The following SPIDR variants were observed in gnomAD, a reference collection of about 807,000 sequenced individuals.
SPIDR encodes DNA repair-scaffolding protein.
A neutral mutation model predicts 104.6 loss-of-function variants in SPIDR; 93 were observed. The ratio of observed to expected loss-of-function variants is 0.89; its 90% CI spans 0.75 to 1.06. The LOEUF (loss-of-function observed/expected upper bound fraction) is 1.06. SPIDR is among the 50% of genes least tolerant of loss of function. The pLI, the probability that SPIDR is intolerant of heterozygous loss-of-function variation, is 0.00. For synonymous variants in SPIDR, 431 were observed against 416.9 expected (o/e 1.03, Z -0.41); for missense variants, 1,154 against 1,111.2 (o/e 1.04, Z -0.55).
At chr8:47,422,922 G>T (rs1554682124) in intron 7 of SPIDR, among the ~76,000 whole-genome samples, 1 of 152,026 alleles carries the variant, frequency 6.6e-6, no homozygotes, top group South Asian at 2.1e-4. Flanking sequence ...TATCTTCCTT[G>T]TTGGTGGCTT....
At chr8:47,491,510 T>C (rs1334423073) in intron 8 of SPIDR, among the ~76,000 whole-genome samples, 1 of 151,912 alleles carries the variant, frequency 6.6e-6, no homozygotes, top group East Asian at 1.9e-4. Flanking sequence ...TGGCATGTTT[T>C]CTATAAGTCT....
chr8:47,457,861 C>T (rs1356961155), intron 8 of SPIDR, among the ~76,000 whole-genome samples: 1 of 152,118 alleles, frequency 6.6e-6, no homozygotes, highest in Admixed American at 6.6e-5. Context: ...GTCCTTTCCC[C>T]ACTTTATGTT....
At chr8:47,379,543 A>G (rs2059076471) in intron 5 of SPIDR, among the ~76,000 whole-genome samples, 1 of 152,186 alleles carries the variant, frequency 6.6e-6, no homozygotes, top group Non-Finnish European at 1.5e-5. Flanking sequence ...GGAAAACTTC[A>G]CTTGCAAGAG....
intron 5 of SPIDR, among the ~76,000 whole-genome samples, chr8:47,373,750 T>G (rs1376140984): frequency 1.3e-5 from 2 of 152,192 alleles, no homozygotes; most frequent in Non-Finnish European, 2.9e-5. Context: ...AATATTTGAT[T>G]GTGTTGAAAT....
chr8:47,556,036 T>A (rs1456201060), intron 8 of SPIDR, among the ~76,000 whole-genome samples: 4 of 152,226 alleles, frequency 2.6e-5, no homozygotes, highest in African/African-American at 9.6e-5. Context: ...TATATGACCC[T>A]ACACAGATGC....
intron 5 of SPIDR, among the ~76,000 whole-genome samples, chr8:47,362,573 C>T (rs2056253352): frequency 6.6e-6 from 1 of 152,150 alleles, no homozygotes; most frequent in African/African-American, 2.4e-5. Context: ...ATAGATCAGG[C>T]ACACAAAAGT....
intron 1 of SPIDR, among the ~76,000 whole-genome samples, chr8:47,266,667 A>T (rs1008658043): frequency 6.6e-6 from 1 of 152,168 alleles, no homozygotes; most frequent in East Asian, 1.9e-4. Flanking sequence ...TTGATGTTTA[A>T]CTCTATAAGA....
At chr8:47,674,086 T>C in intron 11 of SPIDR, 145 bp downstream of exon 11, 13 of 807,034 alleles carry the variant, frequency 1.6e-5, no homozygotes, top group Non-Finnish European at 2.2e-5. Context: ...AGGAGTTGAG[T>C]GGAATCTATA....
chr8:47,722,053 C>A (rs554191439), intron 16 of SPIDR, among the ~76,000 whole-genome samples: 1 of 152,188 alleles, frequency 6.6e-6, no homozygotes, highest in South Asian at 2.1e-4. Flanking sequence ...TCTTTGATAT[C>A]TTTCAGAAGA....
intron 8 of SPIDR, among the ~76,000 whole-genome samples, chr8:47,497,304 G>A (rs967840602): frequency 2.6e-5 from 4 of 151,878 alleles, no homozygotes; most frequent in Non-Finnish European, 5.9e-5. Context: ...AGTTTTTGTT[G>A]ATTTGAGGTC....
intron 8 of SPIDR, among the ~76,000 whole-genome samples, chr8:47,537,891 A>C (rs1198781781): frequency 2.6e-5 from 4 of 152,170 alleles, no homozygotes; most frequent in African/African-American, 9.7e-5. Flanking sequence ...GAATGAAAAA[A>C]CAGGGCCAGA....
intron 10 of SPIDR, among the ~76,000 whole-genome samples, chr8:47,649,248 T>G (rs1465931745): frequency 2.0e-5 from 3 of 150,950 alleles, no homozygotes; most frequent in Non-Finnish European, 4.4e-5. Context: ...AGAAAGAGCC[T>G]GTCAAGAAAA....
intron 9 of SPIDR, 143 bp downstream of exon 9, chr8:47,596,149 C>T (rs2061598130): frequency 1.5e-6 from 1 of 656,420 alleles, no homozygotes; most frequent in Non-Finnish European, 2.6e-6. Context: ...CATGAACTTA[C>T]TGTTACGCCT....
intron 5 of SPIDR, among the ~76,000 whole-genome samples, chr8:47,383,976 T>C (rs1554646852): frequency 6.6e-6 from 1 of 152,214 alleles, no homozygotes; most frequent in African/African-American, 2.4e-5. Flanking sequence ...GTATTATTAG[T>C]ATAAAATGTT....
intron 10 of SPIDR, among the ~76,000 whole-genome samples, chr8:47,636,815 CAAAA>C (rs1247296002): frequency 6.4e-5 from 7 of 109,350 alleles, no homozygotes; most frequent in East Asian, 2.7e-4. Context: ...GACCCTATCT[CAAAA>C]AAAAAAAAAA....
At chr8:47,703,139 C>A (rs1490174637) in intron 14 of SPIDR, among the ~76,000 whole-genome samples, 1 of 152,238 alleles carries the variant, frequency 6.6e-6, no homozygotes, top group Non-Finnish European at 1.5e-5. Context: ...TTCACCCCGA[C>A]ACGCTTGTTA....
At chr8:47,667,176 G>A (rs1173461042) in intron 10 of SPIDR, among the ~76,000 whole-genome samples, 5 of 152,136 alleles carry the variant, frequency 3.3e-5, no homozygotes, top group Non-Finnish European at 7.4e-5. Flanking sequence ...AGCTACTTGG[G>A]AGGCTGAGGC....
chr8:47,686,501 A>T (rs1267260504), intron 11 of SPIDR, among the ~76,000 whole-genome samples: 8 of 152,210 alleles, frequency 5.3e-5, no homozygotes, highest in Non-Finnish European at 8.8e-5. Flanking sequence ...GAGTGTCACT[A>T]GAGTCACTCT....
At chr8:47,319,943 A>G (rs1366554066) in intron 5 of SPIDR, among the ~76,000 whole-genome samples, 2 of 151,952 alleles carry the variant, frequency 1.3e-5, no homozygotes, top group Non-Finnish European at 2.9e-5. Context: ...GACACATTCA[A>G]AGCAGTGTGT....
Sources: allele counts gnomAD v4.1 joint callset (sites outside exome capture counted in the v4.1 genomes callset), GRCh38; gene constraint gnomAD v4.1.1; transcripts MANE v1.5; gene names NCBI Gene and HGNC (gene_info 2026-07-23, HGNC 2026-07-21).